Variants in BCLAF3 observed in about 807,000 individuals in gnomAD.
BCLAF3 encodes BCLAF1 and THRAP3 family member 3, also known as transient octamer binding factor 1.
Under a neutral mutation model 51.2 loss-of-function variants are expected in BCLAF3, and 24 were observed. That is an observed-to-expected ratio of 0.47 (90% confidence interval 0.34 to 0.66). The LOEUF is 0.66. Ranked by LOEUF, BCLAF3 falls within the 30% of genes least tolerant of loss-of-function variation. The probability of loss-of-function intolerance (pLI) is 0.01; values close to 1 mark genes in which losing one functional copy is unlikely to be tolerated. For missense variants in BCLAF3, 465 were observed against 525.1 expected (o/e 0.89, Z 1.12); for synonymous variants, 152 against 176.6 (o/e 0.86, Z 1.10).
At chrX:19,978,759 A>T (rs1183091139) in intron 1 of BCLAF3, among the ~76,000 whole-genome samples, 1 of 104,791 alleles carries the variant, frequency 9.5e-6, no homozygotes, top group African/African-American at 3.5e-5. Context: ...TCTCTTATTT[A>T]TTTTTTTTTT....
intron 9 of BCLAF3, among the ~76,000 whole-genome samples, chrX:19,936,536 G>A: frequency 8.9e-6 from 1 of 111,969 alleles, no homozygotes; most frequent in East Asian, 2.8e-4. Flanking sequence ...TCTGGCCAGA[G>A]GGAGGACTGT....
Position 19,953,872 on chromosome X carries a change from C to T in BCLAF3, c.1471G>A (p.Gly491Ser). 1 of 1,204,239 alleles carries T rather than the reference C, an allele frequency of 8.3e-7. No individual in the cohort carries two copies. Among genetic ancestry groups the T allele is most frequent in the Non-Finnish European group, 1.1e-6 (1 of 890,716 alleles). Residue 491 changes from glycine (G) to serine (S), a missense_variant, in exon 6 of 12, where the codon GGC becomes AGC. Transcript: ENST00000379682. ...QVKANYFPSP[G>S]ITLHERFSTM... Reference sequence around the variant, plus strand: ...GAGAAACGCTCATGTAAAGTAATGCCAGGTGATGGAAAATAATTTGCTGAA... The same window carrying T: ...GAGAAACGCTCATGTAAAGTAATGCTAGGTGATGGAAAATAATTTGCTGAA...
At chrX:19,982,748 C>T (rs904362764) in intron 1 of BCLAF3, among the ~76,000 whole-genome samples, 1 of 110,525 alleles carries the variant, frequency 9.0e-6, no homozygotes, top group East Asian at 2.8e-4. Context: ...ATATCTACCT[C>T]GCATAGAGAA....
At position 19,915,527 on chromosome X, in the gene BCLAF3, A is replaced by G. The variant is rs555515608; in HGVS notation, c.*1778T>C. The G allele has an allele frequency of 1.3e-4, 15 of 112,418 alleles. No individual in the cohort carries two copies. The South Asian group carries it at 4.8e-3, about 36-fold the overall frequency. 9.3% of individuals were successfully genotyped at this position (112,418 alleles called of 1,213,427 possible). On this transcript the variant is annotated 3_prime_UTR_variant, in exon 12 of 12. Coordinates refer to ENST00000379682, the MANE Select transcript of BCLAF3 (RefSeq NM_001367774.2). ...TAGGGAATCAGTTGTGGAATGAATAATAGTAAATCAGCCATCTTACCTTTA... is the reference window on the plus strand; with the variant it reads ...TAGGGAATCAGTTGTGGAATGAATAGTAGTAAATCAGCCATCTTACCTTTA...
chrX:19,938,010 C>T (rs775557602), intron 8 of BCLAF3, among the ~76,000 whole-genome samples: 1 of 111,411 alleles, frequency 9.0e-6, no homozygotes, highest in African/African-American at 3.3e-5. Flanking sequence ...ACTGGCAGAG[C>T]TGAGGCCTCT....
intron 1 of BCLAF3, among the ~76,000 whole-genome samples, chrX:19,974,518 T>C (rs1171283397): frequency 8.9e-6 from 1 of 111,987 alleles, no homozygotes; most frequent in African/African-American, 3.2e-5. Flanking sequence ...CGACATTTAT[T>C]GCATGTGATA....
At position 19,937,578 on chromosome X, in the gene BCLAF3, T is replaced by C. The variant is rs924361056; in HGVS notation, c.1746-46A>G. The C allele has an allele frequency of 5.9e-6, 4 of 675,563 alleles. No individual in the cohort carries two copies. In the South Asian group the frequency reaches 9.2e-5, roughly 16 times the overall value. The allele number at this position is 675,563 out of a possible 1,213,427, so 55.7% of individuals were successfully genotyped here. A position where few individuals can be genotyped will look rare whatever the true frequency, so the allele number is the denominator to read the frequency against. On this transcript the variant is annotated intron_variant, in intron 8 of 11. Coordinates refer to ENST00000379682, the MANE Select transcript of BCLAF3 (RefSeq NM_001367774.2). ...ATAAGAATATTTTATTAGTATACCT[T>C]TTTTTCCAAGAAATAAACAAGAATA... is the stretch of plus-strand genomic sequence containing the variant.
chrX:19,914,754 T>A lies in BCLAF3; in HGVS notation c.*2551A>T, dbSNP rs2069891976. 1 of 111,594 alleles carries A rather than the reference T, an allele frequency of 9.0e-6. No homozygotes were observed. Among genetic ancestry groups the A allele is most frequent in the Admixed American group, 9.6e-5 (1 of 10,389 alleles). 9.2% of individuals were successfully genotyped at this position (111,594 alleles called of 1,213,427 possible). ...CTATAAAAGAAATAATACAGAGAGA[T>A]CCCGCGTACAATTTACCCAGTTTCC... On this transcript the variant is annotated 3_prime_UTR_variant, in exon 12 of 12. Coordinates refer to ENST00000379682, the MANE Select transcript of BCLAF3 (RefSeq NM_001367774.2).
intron 4 of BCLAF3, among the ~76,000 whole-genome samples, chrX:19,964,231 A>G (rs189016465): frequency 9.0e-6 from 1 of 111,107 alleles, no homozygotes; most frequent in East Asian, 2.8e-4. Context: ...GGTCATGAAC[A>G]GTTTTAGCTG....
chrX:19,971,280 G>T (rs749198000), intron 1 of BCLAF3, among the ~76,000 whole-genome samples: 95 of 111,284 alleles, frequency 8.5e-4, no homozygotes, highest in African/African-American at 3.0e-3. Context: ...ACGGGGTTTT[G>T]CCATGTTGCC....
intron 2 of BCLAF3, 22 bp downstream of exon 2, chrX:19,970,202 T>C (rs2072210997): frequency 8.4e-7 from 1 of 1,197,387 alleles, no homozygotes. Context: ...AATCCAAGCT[T>C]ACTCTGCTAA....
At chrX:19,940,716 T>C (rs1196849033) in intron 8 of BCLAF3, among the ~76,000 whole-genome samples, 1 of 108,662 alleles carries the variant, frequency 9.2e-6, no homozygotes, top group Non-Finnish European at 1.9e-5. Context: ...TTGTGAATAA[T>C]GCCGCAATAA....
At chrX:19,986,303 A>G (rs914345481) in intron 1 of BCLAF3, among the ~76,000 whole-genome samples, 9 of 111,535 alleles carry the variant, frequency 8.1e-5, no homozygotes, top group Non-Finnish European at 1.5e-4. Flanking sequence ...ATTTCCACAG[A>G]AAAAAAAATT....
chrX:19,989,510 G>A (rs2072889158), intron 1 of BCLAF3, among the ~76,000 whole-genome samples: 1 of 111,636 alleles, frequency 9.0e-6, no homozygotes, highest in Non-Finnish European at 1.9e-5. Context: ...ATAGATATGC[G>A]GACTTTTACA....
intron 1 of BCLAF3, among the ~76,000 whole-genome samples, chrX:19,982,374 T>C (rs1270185292): frequency 1.8e-5 from 2 of 110,384 alleles, no homozygotes; most frequent in African/African-American, 6.6e-5. Flanking sequence ...GCACAATCAG[T>C]AGAATAGTGA....
At chrX:19,956,807 G>A (rs369706042) in intron 4 of BCLAF3, among the ~76,000 whole-genome samples, 1 of 111,285 alleles carries the variant, frequency 9.0e-6, no homozygotes, top group Non-Finnish European at 1.9e-5. Context: ...CTGAAAGAGA[G>A]CCCTGAAGTA....
At chrX:19,955,153 C>T (rs1486832526) in intron 5 of BCLAF3, among the ~76,000 whole-genome samples, 2 of 111,557 alleles carry the variant, frequency 1.8e-5, no homozygotes, top group African/African-American at 6.5e-5. Context: ...CTCTCCCTTT[C>T]TAACTTGAAA....
rs573442958 is a variant in BCLAF3, at chrX:19,982,637, T to C, written c.-35+8271A>G. Among the ~76,000 whole-genome samples the C allele has an allele frequency of 2.4e-4, 26 of 109,485 alleles. No individual in the cohort carries two copies. The South Asian group carries it at 9.8e-3, about 41-fold the overall frequency. ...TAAGCAAACAAAGGAGTGAGGGTATTTTAAAAGGTGTAAGTACAAAGGTAA... is the reference window on the plus strand; with the variant it reads ...TAAGCAAACAAAGGAGTGAGGGTATCTTAAAAGGTGTAAGTACAAAGGTAA... On this transcript the variant is annotated intron_variant, in intron 1 of 11. Coordinates refer to ENST00000379682, the MANE Select transcript of BCLAF3 (RefSeq NM_001367774.2).
chrX:19,987,309 T>C (rs747006617), intron 1 of BCLAF3, among the ~76,000 whole-genome samples: 1 of 111,785 alleles, frequency 8.9e-6, no homozygotes, highest in South Asian at 3.7e-4. Context: ...AAACTGAATT[T>C]ACTTATTTAT....
Sources: allele counts gnomAD v4.1 joint callset (sites outside exome capture counted in the v4.1 genomes callset), GRCh38; gene constraint gnomAD v4.1.1; transcripts MANE v1.5; gene names NCBI Gene and HGNC (gene_info 2026-07-23, HGNC 2026-07-21).